SNTG1: variants seen among roughly 807,000 people sequenced by gnomAD.
The protein encoded by SNTG1 is syntrophin gamma 1.
Under a neutral mutation model 74.7 loss-of-function variants are expected in SNTG1, and 39 were observed. The ratio of observed to expected loss-of-function variants is 0.52; its 90% confidence interval spans 0.40 to 0.68. The LOEUF (loss-of-function observed/expected upper bound fraction) is 0.68, where lower values mean the gene tolerates loss of function less well. SNTG1 is among the 30% of genes least tolerant of loss of function. The probability of loss-of-function intolerance (pLI) is 0.00; values close to 1 mark genes in which losing one functional copy is unlikely to be tolerated. For synonymous variants in SNTG1, 254 were observed against 217.1 expected (o/e 1.17, Z -1.49); for missense variants, 685 against 609.5 (o/e 1.12, Z -1.30).
intron 13 of SNTG1, among the ~76,000 whole-genome samples, chr8:50,624,878 C>T (rs61026902): frequency 0.043 from 6,551 of 152,224 alleles, 247 homozygotes; most frequent in African/African-American, 0.095. Flanking sequence ...GAAAGTGACT[C>T]TGTCTTCCAC....
intron 2 of SNTG1, among the ~76,000 whole-genome samples, chr8:50,390,316 C>T (rs553117768): frequency 7.7e-4 from 117 of 152,310 alleles, no homozygotes; most frequent in African/African-American, 2.6e-3. Flanking sequence ...AGCCAGTTTT[C>T]CCAACACCAT....
At chr8:50,220,522 C>T (rs760594604) in intron 2 of SNTG1, among the ~76,000 whole-genome samples, 4 of 152,124 alleles carry the variant, frequency 2.6e-5, no homozygotes, top group Non-Finnish European at 4.4e-5. Flanking sequence ...CATGTGAGCA[C>T]ATGCTGCCAC....
chr8:50,015,510 G>C (rs10435582), intron 1 of SNTG1, among the ~76,000 whole-genome samples: 2 of 148,218 alleles, frequency 1.3e-5, no homozygotes, highest in African/African-American at 5.3e-5. Flanking sequence ...TTCCAAATTT[G>C]TGTAAAAAAA....
chr8:50,436,388 A>G (rs2093303298), intron 4 of SNTG1, among the ~76,000 whole-genome samples: 1 of 152,130 alleles, frequency 6.6e-6, no homozygotes, highest in Admixed American at 6.6e-5. Flanking sequence ...GAGTTATTCT[A>G]TGATGTAAAT....
chr8:50,160,843 T>C (rs1302200729), intron 1 of SNTG1, among the ~76,000 whole-genome samples: 1 of 152,102 alleles, frequency 6.6e-6, no homozygotes, highest in Admixed American at 6.6e-5. Flanking sequence ...GCATAGAACA[T>C]AGACTGTAGA....
chr8:50,537,962 A>T (rs1172642980), intron 11 of SNTG1, among the ~76,000 whole-genome samples: 1 of 152,178 alleles, frequency 6.6e-6, no homozygotes, highest in South Asian at 2.1e-4. Flanking sequence ...TTATCTCTTA[A>T]TATATGTAGT....
chr8:50,671,044 C>A (rs1328604737), intron 15 of SNTG1, among the ~76,000 whole-genome samples: 8,312 of 149,556 alleles, frequency 0.056, 747 homozygotes, highest in African/African-American at 0.2. Flanking sequence ...AAATTAATTC[C>A]AGATGGATTA....
intron 1 of SNTG1, among the ~76,000 whole-genome samples, chr8:50,144,609 GA>G (rs1163018079): frequency 6.6e-6 from 1 of 152,128 alleles, no homozygotes; most frequent in Admixed American, 6.6e-5. Context: ...TAGGACTGGG[GA>G]TCATTTAGGA....
intron 12 of SNTG1, among the ~76,000 whole-genome samples, chr8:50,570,383 G>A (rs1032075586): frequency 4.8e-5 from 7 of 146,676 alleles, no homozygotes; most frequent in South Asian, 2.1e-4. Flanking sequence ...CTCAGCCTGC[G>A]GAGTAGCTGG....
chr8:50,542,828 T>C (rs1392606015), intron 11 of SNTG1, among the ~76,000 whole-genome samples: 2 of 152,174 alleles, frequency 1.3e-5, no homozygotes, highest in African/African-American at 4.8e-5. Context: ...GATTTGCATT[T>C]CTGTGATGAT....
chr8:50,714,593 G>A (rs1365796625), intron 17 of SNTG1, among the ~76,000 whole-genome samples: 2 of 152,040 alleles, frequency 1.3e-5, no homozygotes, highest in East Asian at 3.9e-4. Context: ...TCACATTCCT[G>A]AGAAAAAAAT....
intron 1 of SNTG1, among the ~76,000 whole-genome samples, chr8:50,106,894 A>T (rs2080393899): frequency 6.6e-6 from 1 of 152,174 alleles, no homozygotes; most frequent in Non-Finnish European, 1.5e-5. Flanking sequence ...TCATTATATA[A>T]TCACAATAGC....
intron 2 of SNTG1, among the ~76,000 whole-genome samples, chr8:50,359,521 GT>G (rs1206092199): frequency 2.3e-4 from 35 of 152,260 alleles, no homozygotes; most frequent in Non-Finnish European, 4.9e-4. Context: ...TGTTCCCAAT[GT>G]GATAATATTT....
chr8:50,509,694 C>T (rs1400779028), intron 9 of SNTG1, among the ~76,000 whole-genome samples: 3 of 152,040 alleles, frequency 2.0e-5, no homozygotes, highest in Non-Finnish European at 4.4e-5. Context: ...AATGGGAGTT[C>T]ACTTATGATT....
chr8:50,765,372 A>G (rs973858189), intron 18 of SNTG1, among the ~76,000 whole-genome samples: 29 of 152,026 alleles, frequency 1.9e-4, no homozygotes, highest in African/African-American at 2.4e-4. Context: ...ATCCATTGGT[A>G]TTTCTGGGCT....
At chr8:50,041,935 C>G (rs966728750) in intron 1 of SNTG1, among the ~76,000 whole-genome samples, 7 of 152,174 alleles carry the variant, frequency 4.6e-5, no homozygotes, top group African/African-American at 1.7e-4. Flanking sequence ...ATACTCCACA[C>G]TTTTGAATAT....
intron 10 of SNTG1, among the ~76,000 whole-genome samples, chr8:50,534,801 G>A (rs2130377373): frequency 6.6e-6 from 1 of 152,112 alleles, no homozygotes; most frequent in South Asian, 2.1e-4. Context: ...AAAACCTTCT[G>A]TTTTTCCTTT....
At chr8:50,347,231 A>AT (rs2091506570) in intron 2 of SNTG1, among the ~76,000 whole-genome samples, 1 of 152,154 alleles carries the variant, frequency 6.6e-6, no homozygotes, top group South Asian at 2.1e-4. Context: ...CTTGTTTACC[A>AT]TTTTTTAAAT....
At chr8:50,100,479 C>G (rs1242926822) in intron 1 of SNTG1, among the ~76,000 whole-genome samples, 1 of 151,910 alleles carries the variant, frequency 6.6e-6, no homozygotes, top group African/African-American at 2.4e-5. Context: ...ATGCTGATTA[C>G]CCTGATTTGA....
Sources: allele counts gnomAD v4.1 joint callset (sites outside exome capture counted in the v4.1 genomes callset), GRCh38; gene constraint gnomAD v4.1.1; transcripts MANE v1.5; gene names NCBI Gene and HGNC (gene_info 2026-07-23, HGNC 2026-07-21).